The following NEMP2 variants were observed in gnomAD, a reference collection of about 807,000 sequenced individuals.
The protein encoded by NEMP2 is UPF0571 transmembrane protein.
A neutral mutation model predicts 54.2 loss-of-function variants in NEMP2; 53 were observed. The observed-to-expected ratio is 0.98, with a 90% CI of 0.78 to 1.23. NEMP2 has a LOEUF of 1.23. NEMP2 is among the 50% of genes most tolerant of loss of function. NEMP2 has a pLI of 0.00. For missense variants in NEMP2, 455 were observed against 511.3 expected, an observed-to-expected ratio of 0.89 and a Z score of 1.06; for synonymous variants, 197 against 190.3, an observed-to-expected ratio of 1.04 and a Z score of -0.29.
the NEMP2 span, among the ~76,000 whole-genome samples, chr2:190,583,388 C>T: frequency 2.6e-5 from 4 of 152,252 alleles, no homozygotes; most frequent in African/African-American, 9.6e-5. Context: ...GCCAGGGTGA[C>T]TCTGAGTGGC....
the NEMP2 span, chr2:190,435,351 T>A: frequency 6.6e-6 from 1 of 152,298 alleles, no homozygotes; most frequent in Non-Finnish European, 1.5e-5. Context: ...TCTTTTTTCT[T>A]GCCATTTTCT....
At chr2:190,463,786 C>T in the NEMP2 span, 1 of 790,264 alleles carries the variant, frequency 1.3e-6, no homozygotes, top group African/African-American at 1.9e-5. The surrounding 1 kb of genome is among the most constrained non-coding windows in gnomAD (Gnocchi z 4.4). Context: ...CGCTACTGCA[C>T]TCCAGCCTGG....
the NEMP2 span, among the ~76,000 whole-genome samples, chr2:190,430,806 C>T: frequency 2.7e-5 from 4 of 146,188 alleles, no homozygotes; most frequent in African/African-American, 1.0e-4. Flanking sequence ...GCGCCCCCCC[C>T]ACCTCCCTCC....
At position 190,534,592 on chromosome 2, in the gene NEMP2, C is replaced by G; in HGVS notation, c.64G>C (p.Val22Leu). Residue 22 changes from valine (V) to leucine (L), a missense_variant, in exon 1 of 9, where the codon GTG (valine) becomes CTG (leucine). Physicochemically the swap from Val to Leu is conservative, Grantham distance 32. Coordinates refer to ENST00000409150, the MANE Select transcript of NEMP2 (RefSeq NM_001142645.2). ...LWLPPLATLP[V>L]RGEAAAAALS... ...GCTGCCGCCGCCGCCTCCCCGCGCA[C>G]GGGCAGTGTGGCCAGGGGCGGCAGC... 7.2e-7 allele frequency: 1 copy of G among 1,396,322 alleles called. No individual in the cohort carries two copies. The highest frequency in any genetic ancestry group is 1.6e-5 in the South Asian group (1 of 64,298). The allele number at this position is 1,396,322 out of a possible 1,614,324, so 86.5% of individuals were successfully genotyped here.
rs552648729 is a variant in NEMP2 at position 190,507,395 on chromosome 2, T to C, written c.*1794A>G. The C allele has an allele frequency of 1.3e-5, 2 of 152,306 alleles. No homozygotes were observed. The highest frequency in any genetic ancestry group is 2.1e-4 in the South Asian group (1 of 4,834). The allele number at this position is 152,306 out of a possible 1,614,324, so 9.4% of individuals were successfully genotyped here. ...CCTGGCAGCCCCAGCAGATTGTTCATGTGTTATTTACTCATACGCATACGT... is the reference window on the plus strand; with the variant it reads ...CCTGGCAGCCCCAGCAGATTGTTCACGTGTTATTTACTCATACGCATACGT... On this transcript the variant is annotated 3_prime_UTR_variant, in exon 9 of 9. Transcript: ENST00000409150. This position sits in a 1 kb window ranked among gnomAD's most constrained non-coding sequence, Gnocchi z 4.4.
chr2:190,462,803 T>C, the NEMP2 span, among the ~76,000 whole-genome samples: 2 of 152,200 alleles, frequency 1.3e-5, no homozygotes, highest in African/African-American at 2.4e-5. This position sits in a 1 kb window ranked among gnomAD's most constrained non-coding sequence, Gnocchi z 5.7. Context: ...GCCCTGCTAC[T>C]TCTAGATAAG....
At chr2:190,493,986 G>T in the NEMP2 span, among the ~76,000 whole-genome samples, 1 of 150,910 alleles carries the variant, frequency 6.6e-6, no homozygotes, top group Admixed American at 6.6e-5. Context: ...AAACCCAGCA[G>T]AAGAAAGGAA....
chr2:190,645,246 A>G, the NEMP2 span, among the ~76,000 whole-genome samples: 1 of 152,184 alleles, frequency 6.6e-6, no homozygotes. Flanking sequence ...TAAACACATG[A>G]ATAATAAATA....
chr2:190,501,915 T>G (rs1690041591), downstream of NEMP2: 1 of 152,648 alleles, frequency 6.6e-6, no homozygotes, highest in South Asian at 2.1e-4. Context: ...AGGCTTAACC[T>G]CACCTATGAA....
the NEMP2 span, among the ~76,000 whole-genome samples, chr2:190,568,851 ACTC>A: frequency 9.2e-5 from 14 of 151,998 alleles, no homozygotes; most frequent in African/African-American, 3.1e-4. This position sits in a 1 kb window ranked among gnomAD's most constrained non-coding sequence, Gnocchi z 4.7. Context: ...ACAACAAAAA[ACTC>A]AATAATTATC....
the NEMP2 span, among the ~76,000 whole-genome samples, chr2:190,550,957 T>TAA: frequency 6.6e-6 from 1 of 152,216 alleles, no homozygotes; most frequent in African/African-American, 2.4e-5. This position sits in a 1 kb window ranked among gnomAD's most constrained non-coding sequence, Gnocchi z 4.7. Context: ...ATTGTATTCC[T>TAA]TGAGTCTCTT....
rs566158756 is a variant in NEMP2 at position 190,514,497 on chromosome 2, G to T, written c.909C>A (p.Ser303=). ...CTCTCAGTGGGTAGTGCAGACTCCA[G>T]GAGGACATGAGGAGGATTATGGCTG... The part of the protein sequence containing the change: ...AYAAIILLMS[S]WSLHYPLRAC... Residue 303 remains serine, a synonymous_variant, in exon 7 of 9, where the codon TCC becomes TCA. Coordinates refer to ENST00000409150, the MANE Select transcript of NEMP2 (RefSeq NM_001142645.2). The surrounding 1 kb of genome is among the most constrained non-coding windows in gnomAD (Gnocchi z 5.7). 1 of 1,551,634 alleles carries T rather than the reference G, an allele frequency of 6.4e-7. No individual in the cohort carries two copies. The highest frequency in any genetic ancestry group is 2.4e-5 in the East Asian group (1 of 40,926).
chr2:190,455,000 A>ATGTATAATGTAT, the NEMP2 span, among the ~76,000 whole-genome samples: 1 of 46,604 alleles, frequency 2.1e-5, no homozygotes, highest in South Asian at 1.1e-3. The surrounding 1 kb of genome is among the most constrained non-coding windows in gnomAD (Gnocchi z 4.6). Flanking sequence ...GTATATGTAT[A>ATGTATAATGTAT]ATGTATATGT....
the NEMP2 span, chr2:190,628,185 T>A: frequency 6.6e-6 from 1 of 152,278 alleles, no homozygotes; most frequent in African/African-American, 2.4e-5. The surrounding 1 kb of genome is among the most constrained non-coding windows in gnomAD (Gnocchi z 4.1). Context: ...TTTCTGCAGA[T>A]CATTTACTCC....
At chr2:190,440,286 CTCAGGGACTGACCTG>C in the NEMP2 span, among the ~76,000 whole-genome samples, 1 of 152,172 alleles carries the variant, frequency 6.6e-6, no homozygotes, top group African/African-American at 2.4e-5. Flanking sequence ...CAACCAGTTT[CTCAGGGACTGACCTG>C]TCAGTCTAAA....
chr2:190,476,876 A>C, the NEMP2 span, among the ~76,000 whole-genome samples: 9 of 152,258 alleles, frequency 5.9e-5, no homozygotes, highest in East Asian at 1.7e-3. Context: ...ATGCAGCCAT[A>C]AAAAATGATG....
At chr2:190,465,554 T>TA in the NEMP2 span, among the ~76,000 whole-genome samples, 1 of 152,172 alleles carries the variant, frequency 6.6e-6, no homozygotes, top group Non-Finnish European at 1.5e-5. The surrounding 1 kb of genome is among the most constrained non-coding windows in gnomAD (Gnocchi z 4.6). Context: ...ATATTCAGCA[T>TA]AAAAAAGAAT....
At chr2:190,460,529 C>T in the NEMP2 span, among the ~76,000 whole-genome samples, 1 of 152,080 alleles carries the variant, frequency 6.6e-6, no homozygotes, top group African/African-American at 2.4e-5. Flanking sequence ...TCTTCCGTTC[C>T]GGACTATTTA....
rs143645793 is a variant in NEMP2 at position 190,519,595 on chromosome 2, C to T, written c.214-412G>A. On this transcript the variant is annotated intron_variant, in intron 2 of 8. Coordinates refer to ENST00000409150, the MANE Select transcript of NEMP2 (RefSeq NM_001142645.2). This position sits in a 1 kb window ranked among gnomAD's most constrained non-coding sequence, Gnocchi z 5.4. ...CTCAAAGTCAGCTGAAAAAAGAATA[C>T]TCAAATGCGCAGGGTAGAGTTCTAT... 1.3e-5 allele frequency among the ~76,000 whole-genome samples: 2 copies of T among 152,280 alleles called. No homozygotes were observed. Among genetic ancestry groups the T allele is most frequent in the East Asian group, 3.9e-4 (2 of 5,188 alleles).
Sources: gnomAD v4.1 joint callset for allele counts (sites outside exome capture counted in the v4.1 genomes callset) on GRCh38, gnomAD v4.1.1 for gene constraint, Gnocchi (gnomAD v3.1) non-coding constraint, MANE v1.5 for transcripts, NCBI Gene and HGNC (gene_info 2026-07-23, HGNC 2026-07-21) for gene names.